TRIM22: variants seen among roughly 807,000 people sequenced by gnomAD.
TRIM22 encodes tripartite motif containing 22.
TRIM22 carries 45 observed loss-of-function variants against 53.6 expected under a neutral mutation model. That is an observed-to-expected ratio of 0.84 (90% CI 0.66 to 1.08). TRIM22 has a LOEUF of 1.08. Among genes scored for constraint, TRIM22 ranks in the 50% least tolerant of loss-of-function variants. The pLI, the probability that TRIM22 is intolerant of heterozygous loss-of-function variation, is 0.00. For missense variants in TRIM22, 616 were observed against 590.9 expected, an observed-to-expected ratio of 1.04 and a Z score of -0.44; for synonymous variants, 225 against 216.6, an observed-to-expected ratio of 1.04 and a Z score of -0.34.
At chr11:5,699,035 T>C (rs972664380) in intron 4 of TRIM22, among the ~76,000 whole-genome samples, 1 of 152,260 alleles carries the variant, frequency 6.6e-6, no homozygotes, top group African/African-American at 2.4e-5. Flanking sequence ...TATTGCAGTA[T>C]GTATCAGCAT....
rs201863452 is a variant in TRIM22 at position 5,696,505 on chromosome 11, G to C, written c.273G>C (p.Gly91=). The part of the protein sequence containing the change: ...VKEVKMSPQE[G]QKRDVCEHHG... ...AGGTCAAGATGAGCCCACAGGAGGG[G>C]CAGAAGAGAGATGTCTGTGAGCACC... is the stretch of plus-strand genomic sequence containing the variant. Residue 91 remains glycine, a synonymous_variant, in exon 2 of 8, where the codon GGG becomes GGC. Transcript: ENST00000379965. 8.1e-6 allele frequency: 13 copies of C among 1,614,252 alleles called. 1 individual carries two copies. In the Middle Eastern group the frequency reaches 8.2e-4, roughly 102 times the overall value.
Position 5,709,669 on chromosome 11 carries a change from A to G in TRIM22, c.*21A>G. ...CCTGAGTGTTCTCATTCCTTTACCC[A>G]CTTCTGCATAGTAGCCCTTGTGCTG... is the stretch of plus-strand genomic sequence containing the variant. On this transcript the variant is annotated 3_prime_UTR_variant, in exon 8 of 8. Transcript: ENST00000379965. 1 of 1,583,058 alleles carries G rather than the reference A, an allele frequency of 6.3e-7. No homozygotes were observed. Among genetic ancestry groups the G allele is most frequent in the Non-Finnish European group, 8.6e-7 (1 of 1,166,368 alleles).
rs757565262 is a variant in TRIM22 at position 5,696,347 on chromosome 11, A to T, written c.115A>T (p.Ile39Phe). ...TGGCCACAGCTTCTGCCAAGCCTGCATCACTGCAAAGATCAAGGAGTCAGT... is the reference window on the plus strand; with the variant it reads ...TGGCCACAGCTTCTGCCAAGCCTGCTTCACTGCAAAGATCAAGGAGTCAGT... ...DCGHSFCQAC[I>F]TAKIKESVII... The change falls in exon 2 of 8, where the codon ATC becomes TTC. Residue 39 changes from isoleucine (I) to phenylalanine (F), a missense_variant. Physicochemically the swap from Ile to Phe is conservative, Grantham distance 21. Coordinates refer to ENST00000379965, the MANE Select transcript of TRIM22 (RefSeq NM_006074.5). 2.5e-5 allele frequency: 40 copies of T among 1,614,166 alleles called. No homozygotes were observed. The Admixed American group carries it at 4.8e-4, about 19-fold the overall frequency.
At chr11:5,705,981 G>C (rs1040135911) in intron 4 of TRIM22, among the ~76,000 whole-genome samples, 12 of 152,248 alleles carry the variant, frequency 7.9e-5, no homozygotes, top group East Asian at 7.7e-4. Flanking sequence ...GCTTGCTTTT[G>C]CTCACGGCAA....
At chr11:5,702,837 G>A (rs7116081) in intron 4 of TRIM22, among the ~76,000 whole-genome samples, 45,574 of 151,922 alleles carry the variant, frequency 0.3, 7,666 homozygotes, top group African/African-American at 0.45. Context: ...GTCTTTTAAC[G>A]TTTATGGCAA....
intron 5 of TRIM22, among the ~76,000 whole-genome samples, chr11:5,707,748 G>A (rs1464927340): frequency 1.3e-5 from 2 of 152,206 alleles, no homozygotes; most frequent in Non-Finnish European, 1.5e-5. Context: ...GGAGGCAGAG[G>A]TTGCAGTGAG....
intron 1 of TRIM22, among the ~76,000 whole-genome samples, chr11:5,692,857 C>A: frequency 6.7e-6 from 1 of 148,584 alleles, no homozygotes; most frequent in Non-Finnish European, 1.5e-5. Flanking sequence ...ATTGTGTAGC[C>A]ACACTAATTT....
chr11:5,696,228 G>A lies in TRIM22; in HGVS notation c.-5G>A. The A allele has an allele frequency of 6.2e-7, 1 of 1,601,248 alleles. No individual in the cohort carries two copies. Among genetic ancestry groups the A allele is most frequent in the South Asian group, 1.1e-5 (1 of 88,514 alleles). On this transcript the variant is annotated 5_prime_UTR_variant, in exon 2 of 8. In the 5' UTR this introduces an upstream ATG that the reference lacks. Transcript: ENST00000379965. The stretch of plus-strand genomic sequence containing the variant: ...AAGACAGAAGGAAGCCAAGGGAGCA[G>A]TGCAATGGATTTCTCAGTAAAGGTA...
intron 4 of TRIM22, among the ~76,000 whole-genome samples, chr11:5,706,143 G>A (rs1431812659): frequency 2.0e-5 from 3 of 152,184 alleles, no homozygotes; most frequent in African/African-American, 7.2e-5. Context: ...CATTAAAAAT[G>A]TATAAAAATA....
At chr11:5,704,725 T>C (rs946379972) in intron 4 of TRIM22, among the ~76,000 whole-genome samples, 3 of 152,222 alleles carry the variant, frequency 2.0e-5, no homozygotes, top group East Asian at 1.9e-4. Flanking sequence ...TCCAATGTCA[T>C]GCAATTTTCC....
At position 5,708,375 on chromosome 11, in the gene TRIM22, G is replaced by C. The variant is rs530898945; in HGVS notation, c.874+102G>C. ...TAGGTTAGGATATAGGAGAGGAGGT[G>C]GGCCAGAGAAGGAGGAAAATCCTGT... On this transcript the variant is annotated intron_variant, in intron 6 of 7. Transcript: ENST00000379965. 19 of 1,145,368 alleles carry C rather than the reference G, an allele frequency of 1.7e-5. No homozygotes were observed. The African/African-American group carries it at 1.9e-4, about 11-fold the overall frequency. The allele number at this position is 1,145,368 out of a possible 1,614,324, so 71.0% of individuals were successfully genotyped here.
At chr11:5,694,605 T>C (rs562717988) in intron 1 of TRIM22, among the ~76,000 whole-genome samples, 2 of 152,364 alleles carry the variant, frequency 1.3e-5, no homozygotes, top group East Asian at 3.9e-4. Context: ...TCACTCTTAC[T>C]CTACCTATTA....
chr11:5,695,524 TTGCC>T (rs2134173084), intron 1 of TRIM22, among the ~76,000 whole-genome samples: 1 of 151,742 alleles, frequency 6.6e-6, no homozygotes. Flanking sequence ...TTAGTAGTGG[TTGCC>T]TGGAGCTTGG....
intron 7 of TRIM22, 119 bp downstream of exon 7, chr11:5,708,722 T>G: frequency 1.0e-6 from 1 of 963,752 alleles, no homozygotes; most frequent in Admixed American, 3.2e-5. Flanking sequence ...AGTTCTTTTT[T>G]TTTTTTTTTT....
intron 7 of TRIM22, 86 bp downstream of exon 7, chr11:5,708,689 C>A: frequency 8.3e-7 from 1 of 1,206,038 alleles, no homozygotes; most frequent in Non-Finnish European, 1.2e-6. Flanking sequence ...ATGTGTTCCT[C>A]CCCAAACATG....
intron 7 of TRIM22, 108 bp downstream of exon 7, chr11:5,708,711 T>C: frequency 5.1e-6 from 5 of 981,436 alleles, no homozygotes; most frequent in Non-Finnish European, 7.1e-6. Flanking sequence ...TTAAACCATG[T>C]AGTTCTTTTT....
intron 3 of TRIM22, 179 bp from the exon 4 acceptor site, chr11:5,698,136 G>C: frequency 1.7e-6 from 1 of 589,484 alleles, no homozygotes; most frequent in Non-Finnish European, 3.1e-6. Context: ...TGCTTTGGGA[G>C]GAGCTCAGGT....
intron 1 of TRIM22, among the ~76,000 whole-genome samples, chr11:5,694,521 T>C (rs573110853): frequency 2.6e-5 from 4 of 152,276 alleles, no homozygotes; most frequent in South Asian, 2.1e-4. Flanking sequence ...TCTTGTAGCC[T>C]TTACCTTTGT....
intron 4 of TRIM22, among the ~76,000 whole-genome samples, chr11:5,701,600 C>A (rs1390995859): frequency 6.6e-6 from 1 of 152,106 alleles, no homozygotes; most frequent in African/African-American, 2.4e-5. Context: ...TGTTCAGGTA[C>A]AACTGTAGCG....
Sources: gnomAD v4.1 joint callset for allele counts (sites outside exome capture counted in the v4.1 genomes callset) on GRCh38, gnomAD v4.1.1 for gene constraint, MANE v1.5 for transcripts, NCBI Gene and HGNC (gene_info 2026-07-23, HGNC 2026-07-21) for gene names.